Variants in DLGAP1 observed in about 807,000 individuals in gnomAD.
DLGAP1 encodes disks large-associated protein 1.
A neutral mutation model predicts 90.8 loss-of-function variants in DLGAP1; 11 were observed. The ratio of observed to expected loss-of-function variants is 0.12; its 90% CI spans 0.08 to 0.20. DLGAP1 has a LOEUF of 0.20. Ranked by LOEUF, DLGAP1 falls within the 10% of genes least tolerant of loss-of-function variation. DLGAP1 has a pLI of 1.00. For missense variants in DLGAP1, 1,050 were observed against 1,333.8 expected (o/e 0.79, Z 3.31); for synonymous variants, 558 against 540.7 (o/e 1.03, Z -0.44).
At chr18:3,874,255 G>T in intron 4 of DLGAP1, 1 of 1,549,576 alleles carries the variant, frequency 6.5e-7, no homozygotes, top group South Asian at 1.2e-5. Flanking sequence ...TTCATCTCTG[G>T]GAGTGCTTTC....
At chr18:3,967,756 A>C (rs1440845437) in intron 3 of DLGAP1, among the ~76,000 whole-genome samples, 1 of 152,126 alleles carries the variant, frequency 6.6e-6, no homozygotes, top group Non-Finnish European at 1.5e-5. Context: ...TTGGCTTCAG[A>C]CTATGTGGAG....
intron 1 of DLGAP1, among the ~76,000 whole-genome samples, chr18:4,323,793 A>T (rs1266873195): frequency 1.3e-5 from 2 of 152,212 alleles, no homozygotes; most frequent in African/African-American, 2.4e-5. Context: ...CAATGAAATT[A>T]AGGCAGGAAT....
At chr18:3,858,102 C>G (rs1368878171) in intron 4 of DLGAP1, among the ~76,000 whole-genome samples, 6 of 152,122 alleles carry the variant, frequency 3.9e-5, no homozygotes, top group Non-Finnish European at 8.8e-5. Flanking sequence ...ATTCAGCAGG[C>G]CGAGAACAAA....
At chr18:4,302,662 C>G (rs532571678) in intron 1 of DLGAP1, among the ~76,000 whole-genome samples, 3 of 152,146 alleles carry the variant, frequency 2.0e-5, no homozygotes, top group East Asian at 1.9e-4. Context: ...ATACATCCAG[C>G]TTTGTTCTTT....
At chr18:4,134,101 A>G (rs1298858041) in intron 2 of DLGAP1, among the ~76,000 whole-genome samples, 1 of 152,190 alleles carries the variant, frequency 6.6e-6, no homozygotes, top group African/African-American at 2.4e-5. Context: ...TTCAAAAGAT[A>G]GAAATTTCTA....
intron 1 of DLGAP1, among the ~76,000 whole-genome samples, chr18:4,328,005 C>A (rs1024121830): frequency 6.7e-6 from 1 of 150,072 alleles, no homozygotes; most frequent in Admixed American, 6.6e-5. Flanking sequence ...TGTCATAAAT[C>A]CCCTACCCCA....
In DLGAP1 at chr18:3,951,409, G is replaced by A. The variant is rs575157139; in HGVS notation, c.-73+53707C>T. Among the ~76,000 whole-genome samples, 11 of 152,234 alleles carry A rather than the reference G, an allele frequency of 7.2e-5. No individual in the cohort carries two copies. In the East Asian group the frequency reaches 1.3e-3, roughly 19 times the overall value. On this transcript the variant is annotated intron_variant, in intron 3 of 12. Coordinates refer to ENST00000315677, the MANE Select transcript of DLGAP1 (RefSeq NM_004746.4). ...CTTGATGGATAAATAGAAAACTTTT[G>A]GACAATAGCTGTCAAAGTAATTTGA...
chr18:3,656,035 T>G (rs931715441), intron 7 of DLGAP1: 2 of 1,514,024 alleles, frequency 1.3e-6, no homozygotes, highest in Non-Finnish European at 1.8e-6. Context: ...AGCCACGCTA[T>G]GCAACCTTTA....
chr18:4,120,958 C>T (rs1478205191), intron 2 of DLGAP1, among the ~76,000 whole-genome samples: 1 of 152,092 alleles, frequency 6.6e-6, no homozygotes, highest in Non-Finnish European at 1.5e-5. Flanking sequence ...TTCTCAGTAC[C>T]CACATTCTCA....
intron 7 of DLGAP1, among the ~76,000 whole-genome samples, chr18:3,719,327 G>A (rs948390175): frequency 2.6e-5 from 4 of 151,982 alleles, no homozygotes; most frequent in Non-Finnish European, 4.4e-5. Context: ...AGCACTTTGG[G>A]AGGCCGGGGT....
chr18:3,516,267 G>A (rs765687756), intron 10 of DLGAP1, among the ~76,000 whole-genome samples: 18 of 151,010 alleles, frequency 1.2e-4, no homozygotes, highest in Non-Finnish European at 1.6e-4. Context: ...TTGGGTGCAC[G>A]GTGTATAAAT....
intron 1 of DLGAP1, among the ~76,000 whole-genome samples, chr18:4,228,585 C>A (rs1195068623): frequency 4.0e-5 from 6 of 151,884 alleles, no homozygotes; most frequent in African/African-American, 7.2e-5. Flanking sequence ...AGGATAACAA[C>A]CATGTGATCA....
intron 1 of DLGAP1, among the ~76,000 whole-genome samples, chr18:4,398,356 G>A (rs1034358300): frequency 1.3e-5 from 2 of 152,076 alleles, no homozygotes. Context: ...CTAGAAATGT[G>A]ACTGTTCACT....
intron 1 of DLGAP1, among the ~76,000 whole-genome samples, chr18:4,231,922 G>A (rs1184386864): frequency 1.3e-5 from 2 of 152,106 alleles, no homozygotes; most frequent in East Asian, 1.9e-4. Flanking sequence ...GCTATTGGTC[G>A]ATGTGCAATC....
rs552104319 is a variant in DLGAP1 at position 3,592,742 on chromosome 18, G to A, written c.1592-10494C>T. Among the ~76,000 whole-genome samples, 3 of 150,486 alleles carry A rather than the reference G, an allele frequency of 2.0e-5. No homozygotes were observed. The South Asian group carries it at 6.3e-4, about 32-fold the overall frequency. On this transcript the variant is annotated intron_variant, in intron 7 of 12. Transcript: ENST00000315677. ...GCCTGAAGTCTCAGCTACTCGGTAG[G>A]CTGAGGTGGGAGGATCACTTGAGCT...
intron 9 of DLGAP1, among the ~76,000 whole-genome samples, chr18:3,557,160 A>G (rs1015534142): frequency 6.6e-6 from 1 of 152,134 alleles, no homozygotes; most frequent in Admixed American, 6.6e-5. Context: ...CTTCTTTTCT[A>G]ATACATGCAA....
chr18:4,067,428 T>C (rs73382636), intron 2 of DLGAP1, among the ~76,000 whole-genome samples: 24,186 of 151,868 alleles, frequency 0.16, 2,410 homozygotes, highest in East Asian at 0.35. Flanking sequence ...AAGTGGGAGT[T>C]AGGGGTTGGA....
intron 2 of DLGAP1, among the ~76,000 whole-genome samples, chr18:4,111,925 TTTTA>T (rs772060908): frequency 6.0e-5 from 9 of 151,032 alleles, no homozygotes; most frequent in South Asian, 2.1e-4. Context: ...TGTTTTTGTT[TTTTA>T]TTTATTCTGT....
chr18:3,822,218 G>A (rs1227968966), intron 4 of DLGAP1, among the ~76,000 whole-genome samples: 1 of 152,156 alleles, frequency 6.6e-6, no homozygotes, highest in Admixed American at 6.5e-5. Flanking sequence ...AAGGATAAGA[G>A]TAAATACCTA....
Sources: gnomAD v4.1 joint callset for allele counts (sites outside exome capture counted in the v4.1 genomes callset) on GRCh38, gnomAD v4.1.1 for gene constraint, MANE v1.5 for transcripts, NCBI Gene and HGNC (gene_info 2026-07-23, HGNC 2026-07-21) for gene names.